MAPKAP1: variants seen among roughly 807,000 people sequenced by gnomAD.
The protein encoded by MAPKAP1 is MAPK associated protein 1.
A neutral mutation model predicts 65.7 loss-of-function variants in MAPKAP1; 20 were observed. The ratio of observed to expected loss-of-function variants is 0.30; its 90% CI spans 0.21 to 0.44. MAPKAP1 has a LOEUF of 0.44. Ranked by LOEUF, MAPKAP1 falls within the 20% of genes least tolerant of loss-of-function variation. The pLI is 1.00. For missense variants in MAPKAP1, 423 were observed against 648.0 expected, an observed-to-expected ratio of 0.65 and a Z score of 3.77; for synonymous variants, 222 against 244.3, an observed-to-expected ratio of 0.91 and a Z score of 0.85.
chr9:125,545,873 T>A (rs114234253), intron 6 of MAPKAP1, among the ~76,000 whole-genome samples: 2,170 of 152,312 alleles, frequency 0.014, 18 homozygotes, highest in South Asian at 0.041. Context: ...AATTGTGTGG[T>A]GGAGGAATAA....
At chr9:125,694,371 T>C (rs1361212346) in intron 1 of MAPKAP1, among the ~76,000 whole-genome samples, 1 of 150,992 alleles carries the variant, frequency 6.6e-6, no homozygotes, top group African/African-American at 2.4e-5. Context: ...ATAAAACAAA[T>C]GCAGTTCTTC....
intron 4 of MAPKAP1, among the ~76,000 whole-genome samples, chr9:125,592,996 A>C (rs1440061427): frequency 6.6e-6 from 1 of 151,038 alleles, no homozygotes; most frequent in Non-Finnish European, 1.5e-5. Context: ...AAAAAGAAAA[A>C]AAAGAAAATA....
rs1018301034 is a variant in MAPKAP1 at position 125,596,004 on chromosome 9, G to C, written c.499-10277C>G. Reference sequence around the variant, plus strand: ...AAAGATATTTGTTGGTGGCATTAAAGAAGACACTGAAGAACATCACCTGCG... The same window carrying C: ...AAAGATATTTGTTGGTGGCATTAAACAAGACACTGAAGAACATCACCTGCG... On this transcript the variant is annotated intron_variant, in intron 4 of 11. Coordinates refer to ENST00000265960, the MANE Select transcript of MAPKAP1 (RefSeq NM_001006617.3). 4 of 1,515,072 alleles carry C rather than the reference G, an allele frequency of 2.6e-6. No individual in the cohort carries two copies. The African/African-American group carries it at 4.1e-5, about 16-fold the overall frequency. 93.9% of individuals were successfully genotyped at this position (1,515,072 alleles called of 1,614,324 possible). A position where few individuals can be genotyped will look rare whatever the true frequency, so the allele number is the denominator to read the frequency against.
chr9:125,480,809 A>G (rs1302362663), intron 9 of MAPKAP1, among the ~76,000 whole-genome samples: 1 of 151,708 alleles, frequency 6.6e-6, no homozygotes, highest in Non-Finnish European at 1.5e-5. Context: ...CGTCTCTACT[A>G]AAAATACAAA....
At chr9:125,624,873 CTT>C (rs1457679623) in intron 4 of MAPKAP1, among the ~76,000 whole-genome samples, 1 of 85,858 alleles carries the variant, frequency 1.2e-5, no homozygotes, top group Non-Finnish European at 2.5e-5. Flanking sequence ...ACATGGGAGA[CTT>C]TTCATTTTGT....
At chr9:125,635,176 C>G (rs670051) in intron 4 of MAPKAP1, among the ~76,000 whole-genome samples, 122,646 of 152,156 alleles carry the variant, frequency 0.81, 51,849 homozygotes, top group Non-Finnish European at 0.94. Flanking sequence ...AGGTAGTCCT[C>G]AAGTCCTGCT....
At chr9:125,652,830 C>T (rs1050749563) in intron 4 of MAPKAP1, among the ~76,000 whole-genome samples, 1 of 152,158 alleles carries the variant, frequency 6.6e-6, no homozygotes, top group Admixed American at 6.5e-5. Context: ...GACCAAAACC[C>T]CACTGGACTC....
chr9:125,640,330 TC>T (rs1833541202), intron 4 of MAPKAP1, among the ~76,000 whole-genome samples: 1 of 151,976 alleles, frequency 6.6e-6, no homozygotes, highest in Admixed American at 6.6e-5. Context: ...GTCTCGATCT[TC>T]TGACCTCGTG....
At chr9:125,685,040 C>T (rs994760175) in intron 1 of MAPKAP1, among the ~76,000 whole-genome samples, 1 of 152,122 alleles carries the variant, frequency 6.6e-6, no homozygotes, top group South Asian at 2.1e-4. Context: ...ACCCAGCACA[C>T]TGCCTGTTAG....
intron 4 of MAPKAP1, among the ~76,000 whole-genome samples, chr9:125,598,972 G>A (rs552047095): frequency 2.0e-5 from 3 of 151,376 alleles, no homozygotes; most frequent in South Asian, 2.1e-4. Flanking sequence ...CCCAGGAGGC[G>A]GAGGTTACAG....
chr9:125,518,858 T>C (rs563068695), intron 7 of MAPKAP1, among the ~76,000 whole-genome samples: 6 of 152,344 alleles, frequency 3.9e-5, no homozygotes, highest in African/African-American at 1.4e-4. Context: ...TGGAGGGTCA[T>C]GAACCAAACC....
chr9:125,539,574 TAAC>T (rs534658329), intron 7 of MAPKAP1, among the ~76,000 whole-genome samples: 2 of 152,198 alleles, frequency 1.3e-5, no homozygotes, highest in South Asian at 4.1e-4. Flanking sequence ...CATTTTTAAA[TAAC>T]AACAAAGGTC....
intron 5 of MAPKAP1, among the ~76,000 whole-genome samples, chr9:125,580,900 C>G (rs538921171): frequency 9.2e-5 from 14 of 152,318 alleles, no homozygotes; most frequent in African/African-American, 3.4e-4. Context: ...CCTCTGGCAA[C>G]CATTCAATTG....
intron 1 of MAPKAP1, among the ~76,000 whole-genome samples, chr9:125,693,568 C>CACGT (rs1835250247): frequency 6.7e-6 from 1 of 148,878 alleles, no homozygotes; most frequent in Non-Finnish European, 1.5e-5. Context: ...CACATATATA[C>CACGT]ATACACACAC....
At chr9:125,588,883 C>T (rs138874007) in intron 4 of MAPKAP1, among the ~76,000 whole-genome samples, 1 of 152,222 alleles carries the variant, frequency 6.6e-6, no homozygotes, top group Non-Finnish European at 1.5e-5. Context: ...CACTCCTCCA[C>T]CTGCTCATCA....
intron 9 of MAPKAP1, among the ~76,000 whole-genome samples, chr9:125,478,949 A>C (rs1854205252): frequency 6.6e-6 from 1 of 152,202 alleles, no homozygotes; most frequent in Non-Finnish European, 1.5e-5. Flanking sequence ...AGTTCCACAG[A>C]GATTTAGCAC....
intron 4 of MAPKAP1, among the ~76,000 whole-genome samples, chr9:125,647,721 A>C (rs1245327963): frequency 6.6e-6 from 1 of 152,130 alleles, no homozygotes; most frequent in Non-Finnish European, 1.5e-5. Context: ...GCCCCATTTT[A>C]TTTATCAGTG....
intron 9 of MAPKAP1, among the ~76,000 whole-genome samples, chr9:125,481,375 G>A (rs1380814036): frequency 6.6e-6 from 1 of 152,008 alleles, no homozygotes; most frequent in Non-Finnish European, 1.5e-5. Context: ...TGCTCACCTG[G>A]GCCCTTGCTT....
Position 125,625,089 on chromosome 9 carries a change from G to T in MAPKAP1, c.498+32562C>A, listed in dbSNP as rs1199317674. On this transcript the variant is annotated intron_variant, in intron 4 of 11. Transcript: ENST00000265960. ...CACTCCCTAATCTCAAGTACCCAGG[G>T]ACACAAACGCTGCGGAAGGCCGCAG... is the stretch of plus-strand genomic sequence containing the variant. 3.6e-5 allele frequency among the ~76,000 whole-genome samples: 3 copies of T among 83,016 alleles called. 1 individual carries two copies. Among genetic ancestry groups the T allele is most frequent in the Non-Finnish European group, 7.4e-5 (3 of 40,744 alleles). 54.5% of individuals were successfully genotyped at this position (83,016 alleles called of 152,430 possible).
Sources: allele counts gnomAD v4.1 joint callset (sites outside exome capture counted in the v4.1 genomes callset), GRCh38; gene constraint gnomAD v4.1.1; transcripts MANE v1.5; gene names NCBI Gene and HGNC (gene_info 2026-07-23, HGNC 2026-07-21).